Variants in FAM181A observed in about 807,000 individuals in gnomAD.
FAM181A encodes protein FAM181A.
FAM181A carries 7 observed loss-of-function variants against 16.3 expected under a neutral mutation model. The observed-to-expected ratio is 0.43, with a 90% CI of 0.24 to 0.81. FAM181A has a LOEUF of 0.81. Ranked by LOEUF, FAM181A falls within the 30% of genes least tolerant of loss-of-function variation. The pLI is 0.24. For synonymous variants in FAM181A, 183 were observed against 164.9 expected, an observed-to-expected ratio of 1.11 and a Z score of -0.84; for missense variants, 349 against 377.5, an observed-to-expected ratio of 0.92 and a Z score of 0.63.
intron 1 of FAM181A, among the ~76,000 whole-genome samples, chr14:93,921,744 T>C (rs1487033895): frequency 6.6e-6 from 1 of 151,916 alleles, no homozygotes. Flanking sequence ...TCTGTAGCCC[T>C]GGGCTAGCAA....
rs962862454 is a variant in FAM181A at position 93,927,360 on chromosome 14, C to T, written c.-182C>T. ...TCAAGGGTTGCACAACTGCTTCCAGCCGGACGGAGCTCGGCCGGCTGCGCC... is the reference window on the plus strand; with the variant it reads ...TCAAGGGTTGCACAACTGCTTCCAGTCGGACGGAGCTCGGCCGGCTGCGCC... On this transcript the variant is annotated 5_prime_UTR_variant, in exon 1 of 2. Transcript: ENST00000556222. 44 of 1,127,782 alleles carry T rather than the reference C, an allele frequency of 3.9e-5. 1 individual carries two copies. In the South Asian group the frequency reaches 8.0e-4, roughly 21 times the overall value. 69.9% of individuals were successfully genotyped at this position (1,127,782 alleles called of 1,614,324 possible). A position where few individuals can be genotyped will look rare whatever the true frequency, so the allele number is the denominator to read the frequency against.
Position 93,919,679 on chromosome 14 carries a change from C to T in FAM181A, c.-225+685C>T, listed in dbSNP as rs576419044. Among the ~76,000 whole-genome samples, 7 of 152,262 alleles carry T rather than the reference C, an allele frequency of 4.6e-5. No individual in the cohort carries two copies. The East Asian group carries it at 1.2e-3, about 25-fold the overall frequency. On this transcript the variant is annotated intron_variant, in intron 1 of 2. Transcript: ENST00000267594. ...GCATTATTGACTCCCCAGGGAAGTC[C>T]CACGTGGGTCTTCTTGTTGCCGAGA...
chr14:93,921,196 GC>G (rs1887710192), intron 1 of FAM181A, among the ~76,000 whole-genome samples: 1 of 152,214 alleles, frequency 6.6e-6, no homozygotes, highest in Admixed American at 6.5e-5. Context: ...AGATCACACA[GC>G]CAGGTAGGGG....
chr14:93,925,722 G>T (rs527414683), upstream of FAM181A, among the ~76,000 whole-genome samples: 1 of 151,688 alleles, frequency 6.6e-6, no homozygotes, highest in African/African-American at 2.4e-5. Flanking sequence ...CTTCCATCTC[G>T]GTCCACACTT....
upstream of FAM181A, among the ~76,000 whole-genome samples, chr14:93,926,621 T>C (rs745474394): frequency 2.0e-5 from 3 of 152,182 alleles, no homozygotes; most frequent in Admixed American, 6.5e-5. The surrounding 1 kb of genome is among the most constrained non-coding windows in gnomAD (Gnocchi z 5.2). Flanking sequence ...TGCAGCTCAA[T>C]TGAGGAAGCA....
intron 1 of FAM181A, among the ~76,000 whole-genome samples, chr14:93,927,972 G>A (rs898720147): frequency 6.6e-6 from 1 of 152,110 alleles, no homozygotes; most frequent in Non-Finnish European, 1.5e-5. Flanking sequence ...GCTGCAAGAA[G>A]GGGCACCAGA....
chr14:93,928,638 A>G lies in FAM181A; in HGVS notation c.353A>G (p.Gln118Arg). 1 of 1,614,008 alleles carries G rather than the reference A, an allele frequency of 6.2e-7. No individual in the cohort carries two copies. Among genetic ancestry groups the G allele is most frequent in the Non-Finnish European group, 8.5e-7 (1 of 1,179,992 alleles). Reference protein sequence around the residue: ...CLAKEQLPQRQHPEAAQPGQV... With the variant: ...CLAKEQLPQRRHPEAAQPGQV... ...GCTAAGGAGCAGCTCCCACAGAGGC[A>G]GCATCCAGAAGCTGCCCAGCCTGGC... Residue 118 changes from glutamine (Q) to arginine (R), a missense_variant, in exon 2 of 2, where the codon CAG becomes CGG. Transcript: ENST00000556222.
chr14:93,921,710 C>A (rs1054774819), intron 1 of FAM181A, among the ~76,000 whole-genome samples: 1 of 152,124 alleles, frequency 6.6e-6, no homozygotes, highest in East Asian at 1.9e-4. Context: ...CCTAACTCTC[C>A]AGGGCAGGGG....
chr14:93,920,037 G>A (rs1887666855), intron 1 of FAM181A, among the ~76,000 whole-genome samples: 1 of 152,222 alleles, frequency 6.6e-6, no homozygotes, highest in Middle Eastern at 3.4e-3. Context: ...TAAAAAAAGA[G>A]CTGGTTCTTT....
At chr14:93,925,444 G>C, upstream of FAM181A, 1 of 1,424,774 alleles carries the variant, frequency 7.0e-7, no homozygotes. Flanking sequence ...TCACACAGTA[G>C]GCAGCAGGGA....
At chr14:93,927,608 C>T in intron 1 of FAM181A, 154 bp downstream of exon 1, 1 of 1,286,950 alleles carries the variant, frequency 7.8e-7, no homozygotes, top group Non-Finnish European at 1.0e-6. Flanking sequence ...CTGCCCGCAG[C>T]CTGAGATCAG....
rs757652421 is a variant in FAM181A at position 93,929,170 on chromosome 14, C to G, written c.*6C>G. On this transcript the variant is annotated 3_prime_UTR_variant, in exon 2 of 2. Coordinates refer to ENST00000556222, the MANE Select transcript of FAM181A (RefSeq NM_001207073.2). ...ATGTCTTTGGCTACCTCTAGCCACG[C>G]GGAGAGGGCCTCAGCCCCCACCTCT... 5 of 1,511,950 alleles carry G rather than the reference C, an allele frequency of 3.3e-6. No individual in the cohort carries two copies. The highest frequency in any genetic ancestry group is 4.4e-6 in the Non-Finnish European group (5 of 1,133,142). The allele number at this position is 1,511,950 out of a possible 1,614,324, so 93.7% of individuals were successfully genotyped here. A position where few individuals can be genotyped will look rare whatever the true frequency, so the allele number is the denominator to read the frequency against.
chr14:93,921,136 T>C (rs527342090), intron 1 of FAM181A, among the ~76,000 whole-genome samples: 33 of 152,220 alleles, frequency 2.2e-4, no homozygotes, highest in Non-Finnish European at 4.4e-4. Context: ...GCATTGATGA[T>C]GTAATTCAAC....
chr14:93,927,715 G>T, intron 1 of FAM181A: 1 of 1,109,706 alleles, frequency 9.0e-7, no homozygotes, highest in Non-Finnish European at 1.2e-6. Flanking sequence ...AGGGGGGCTG[G>T]TGCTCCTCGT....
At chr14:93,925,635 C>G (rs1417597969), upstream of FAM181A, among the ~76,000 whole-genome samples, 1 of 151,882 alleles carries the variant, frequency 6.6e-6, no homozygotes, top group Non-Finnish European at 1.5e-5. Context: ...CTCACCCATG[C>G]AAAGGTTGCC....
Position 93,928,377 on chromosome 14 carries a change from G to A in FAM181A, c.92G>A (p.Cys31Tyr). Residue 31 changes from cysteine to tyrosine, a missense_variant, in exon 2 of 2, where the codon TGC (cysteine) becomes TAC (tyrosine). Transcript: ENST00000556222. ...IKAALDKSAP[C>Y]RRSVDHRKYL... Reference sequence around the variant, plus strand: ...GCAGCCCTGGATAAGTCCGCACCCTGCCGCCGCTCCGTGGACCATCGCAAG... The same window carrying A: ...GCAGCCCTGGATAAGTCCGCACCCTACCGCCGCTCCGTGGACCATCGCAAG... 6.2e-7 allele frequency: 1 copy of A among 1,613,806 alleles called. No individual in the cohort carries two copies. The highest frequency in any genetic ancestry group is 8.5e-7 in the Non-Finnish European group (1 of 1,180,016).
chr14:93,927,723 C>T (rs1189921526), intron 1 of FAM181A: 68 of 572,232 alleles, frequency 1.2e-4, no homozygotes, highest in South Asian at 4.4e-4. Flanking sequence ...TGGTGCTCCT[C>T]GTGCTGGGGG....
At position 93,929,437 on chromosome 14, in the gene FAM181A, C is replaced by G. The variant is rs1239442477; in HGVS notation, c.*273C>G. 2.4e-6 allele frequency: 1 copy of G among 410,218 alleles called. No homozygotes were observed. Among genetic ancestry groups the G allele is most frequent in the Admixed American group, 3.9e-5 (1 of 25,408 alleles). The allele number at this position is 410,218 out of a possible 1,614,324, so 25.4% of individuals were successfully genotyped here. ...GCTGTCCCTGTGCAGACCATAGGTA[C>G]TGGGATGTTGCCCTTCCTTGCCTTG... On this transcript the variant is annotated 3_prime_UTR_variant, in exon 2 of 2. Transcript: ENST00000556222.
Position 93,928,265 on chromosome 14 carries a change from T to C in FAM181A, c.-21T>C, listed in dbSNP as rs1555426447. 1.9e-6 allele frequency: 3 copies of C among 1,613,726 alleles called. No homozygotes were observed. The South Asian group carries it at 3.3e-5, about 18-fold the overall frequency. ...GAGCCTACCCTCTTCATGGAAAGCC[T>C]CGTGCAGTGGCCCCCTGGTGATGGC... is the stretch of plus-strand genomic sequence containing the variant. On this transcript the variant is annotated 5_prime_UTR_variant, in exon 2 of 2. Transcript: ENST00000556222.
Sources: allele counts gnomAD v4.1 joint callset (sites outside exome capture counted in the v4.1 genomes callset), GRCh38; gene constraint gnomAD v4.1.1; non-coding constraint Gnocchi (gnomAD v3.1); transcripts MANE v1.5; gene names NCBI Gene and HGNC (gene_info 2026-07-23, HGNC 2026-07-21).